Variants in CACNB4 observed in about 807,000 individuals in gnomAD.
CACNB4 encodes calcium voltage-gated channel auxiliary subunit beta 4, also known as voltage-dependent L-type calcium channel subunit beta-4.
Under a neutral mutation model 71.2 loss-of-function variants are expected in CACNB4, and 32 were observed. The ratio of observed to expected loss-of-function variants is 0.45; its 90% CI spans 0.34 to 0.60. The LOEUF (loss-of-function observed/expected upper bound fraction) is 0.60, where lower values mean the gene tolerates loss of function less well. Ranked by LOEUF, CACNB4 falls within the 20% of genes least tolerant of loss-of-function variation. CACNB4 has a pLI of 0.01. For synonymous variants in CACNB4, 231 were observed against 236.9 expected (o/e 0.97, Z 0.23); for missense variants, 464 against 647.9 (o/e 0.72, Z 3.08).
rs571046623 is a variant in CACNB4, at chr2:152,095,584, T to C, written c.147+2746A>G. ...TGTGAAACAGCACCAAGAAATTTCATCACTCCAATGTATCAAGAATTCAAA... is the reference window on the plus strand; with the variant it reads ...TGTGAAACAGCACCAAGAAATTTCACCACTCCAATGTATCAAGAATTCAAA... On this transcript the variant is annotated intron_variant, in intron 2 of 13. Coordinates refer to ENST00000539935, the MANE Select transcript of CACNB4 (RefSeq NM_000726.5). Among the ~76,000 whole-genome samples, 13 of 152,310 alleles carry C rather than the reference T, an allele frequency of 8.5e-5. No homozygotes were observed. In the South Asian group the frequency reaches 2.7e-3, roughly 32 times the overall value.
At chr2:151,954,360 A>G (rs937241877) in intron 2 of CACNB4, among the ~76,000 whole-genome samples, 1 of 152,268 alleles carries the variant, frequency 6.6e-6, no homozygotes, top group Non-Finnish European at 1.5e-5. Context: ...CAGCTCATAA[A>G]GAACAAACTG....
At chr2:151,977,330 G>A (rs992118128) in intron 2 of CACNB4, among the ~76,000 whole-genome samples, 40 of 152,188 alleles carry the variant, frequency 2.6e-4, no homozygotes, top group African/African-American at 8.9e-4. Context: ...GATTCATGAT[G>A]GGGAAGGTAT....
intron 2 of CACNB4, among the ~76,000 whole-genome samples, chr2:152,046,664 G>A (rs552774409): frequency 1.3e-5 from 2 of 152,200 alleles, no homozygotes; most frequent in East Asian, 1.9e-4. Flanking sequence ...TTAAGATGTC[G>A]CCCTAAGCAG....
intron 2 of CACNB4, among the ~76,000 whole-genome samples, chr2:151,966,559 G>A (rs1416185890): frequency 1.3e-5 from 2 of 152,122 alleles, no homozygotes; most frequent in African/African-American, 4.8e-5. Flanking sequence ...GATTACAGGT[G>A]TGAGCCACTG....
intron 2 of CACNB4, among the ~76,000 whole-genome samples, chr2:152,072,431 T>G (rs1321054542): frequency 6.6e-6 from 1 of 152,224 alleles, no homozygotes; most frequent in African/African-American, 2.4e-5. Context: ...GTATAATTAT[T>G]TTCACAAAGA....
intron 2 of CACNB4, among the ~76,000 whole-genome samples, chr2:151,898,254 C>A (rs973490403): frequency 1.3e-5 from 2 of 152,210 alleles, no homozygotes; most frequent in African/African-American, 4.8e-5. Context: ...GACCTGCTGT[C>A]TCCTCTGGGC....
intron 2 of CACNB4, among the ~76,000 whole-genome samples, chr2:151,907,134 A>G (rs2099855034): frequency 6.6e-6 from 1 of 152,174 alleles, no homozygotes; most frequent in Non-Finnish European, 1.5e-5. Context: ...CATGGAAATG[A>G]GTAAATAACT....
At chr2:151,969,264 C>T (rs975071239) in intron 2 of CACNB4, 2 of 152,198 alleles carry the variant, frequency 1.3e-5, no homozygotes, top group Non-Finnish European at 2.9e-5. Context: ...AGAAGAGATG[C>T]TCTGATCCAC....
At chr2:152,022,868 G>T (rs1358685331) in intron 2 of CACNB4, among the ~76,000 whole-genome samples, 1 of 152,172 alleles carries the variant, frequency 6.6e-6, no homozygotes, top group Non-Finnish European at 1.5e-5. Context: ...GATGATCAGG[G>T]TAAAGGAATT....
intron 2 of CACNB4, chr2:151,973,389 G>A (rs186034857): frequency 4.5e-6 from 2 of 445,082 alleles, no homozygotes; most frequent in Non-Finnish European, 8.1e-6. Flanking sequence ...CCCCTGGTGA[G>A]ATCAAACGTG....
chr2:151,921,154 T>C (rs1239235395), intron 2 of CACNB4, among the ~76,000 whole-genome samples: 1 of 55,736 alleles, frequency 1.8e-5, no homozygotes, highest in Non-Finnish European at 4.4e-5. Context: ...AATAAATAAA[T>C]AAATAAATAA....
chr2:151,999,631 C>A (rs1334077248), intron 2 of CACNB4, among the ~76,000 whole-genome samples: 2 of 152,156 alleles, frequency 1.3e-5, no homozygotes, highest in East Asian at 3.9e-4. Flanking sequence ...AGCCGAGAGC[C>A]AATGTGTTAA....
At chr2:151,942,696 T>C (rs1553784384) in intron 2 of CACNB4, among the ~76,000 whole-genome samples, 1 of 152,028 alleles carries the variant, frequency 6.6e-6, no homozygotes, top group Non-Finnish European at 1.5e-5. Flanking sequence ...AATTCATTCC[T>C]GGGGGGAGGT....
intron 2 of CACNB4, among the ~76,000 whole-genome samples, chr2:152,060,297 A>G (rs1169292269): frequency 6.6e-6 from 1 of 152,246 alleles, no homozygotes. Context: ...ATGTTTGCTG[A>G]ATGTTGATTC....
intron 10 of CACNB4, chr2:151,857,598 T>C (rs2099840620): frequency 6.6e-6 from 1 of 152,218 alleles, no homozygotes; most frequent in Admixed American, 6.5e-5. Context: ...TGTTTCCCAT[T>C]TGCTGTTTTC....
intron 2 of CACNB4, among the ~76,000 whole-genome samples, chr2:151,965,735 T>A (rs1423094365): frequency 1.6e-5 from 1 of 63,722 alleles, no homozygotes; most frequent in Non-Finnish European, 8.8e-5. Flanking sequence ...CTTTTGCTTT[T>A]GATTTTTTTT....
At chr2:151,988,273 T>C (rs1280938330) in intron 2 of CACNB4, among the ~76,000 whole-genome samples, 2 of 151,964 alleles carry the variant, frequency 1.3e-5, no homozygotes, top group Non-Finnish European at 2.9e-5. Context: ...CCCTCTAAAT[T>C]TCTCTCTCAG....
At chr2:152,031,562 C>T (rs77047846) in intron 2 of CACNB4, among the ~76,000 whole-genome samples, 3,509 of 152,260 alleles carry the variant, frequency 0.023, 53 homozygotes, top group Non-Finnish European at 0.037. Flanking sequence ...TCAGACACAG[C>T]CAGGGGCTTG....
chr2:152,030,183 T>C (rs1374499283), intron 2 of CACNB4, among the ~76,000 whole-genome samples: 1 of 152,214 alleles, frequency 6.6e-6, no homozygotes, highest in East Asian at 1.9e-4. Context: ...TTGAGGATTA[T>C]ATTAACACAG....
Sources: gnomAD v4.1 joint callset for allele counts (sites outside exome capture counted in the v4.1 genomes callset) on GRCh38, gnomAD v4.1.1 for gene constraint, MANE v1.5 for transcripts, NCBI Gene and HGNC (gene_info 2026-07-23, HGNC 2026-07-21) for gene names.